TRHDE: variants seen among roughly 807,000 people sequenced by gnomAD.
TRHDE encodes thyrotropin-releasing hormone-degrading ectoenzyme.
A neutral mutation model predicts 125.7 loss-of-function variants in TRHDE; 72 were observed. The ratio of observed to expected loss-of-function variants is 0.57; its 90% CI spans 0.47 to 0.70. The LOEUF (loss-of-function observed/expected upper bound fraction) is 0.70. Ranked by LOEUF, TRHDE falls within the 30% of genes least tolerant of loss-of-function variation. TRHDE has a pLI of 0.00. For missense variants in TRHDE, 1,110 were observed against 1,327.1 expected, an observed-to-expected ratio of 0.84 and a Z score of 2.54; for synonymous variants, 509 against 509.1, an observed-to-expected ratio of 1.00 and a Z score of 0.00.
chr12:72,568,476 T>C, intron 9 of TRHDE, 92 bp from the exon 10 acceptor site: 1 of 865,116 alleles, frequency 1.2e-6, no homozygotes. Flanking sequence ...ATGAGAGTAA[T>C]AAAAATCACA....
chr12:72,495,492 A>G (rs1047598983), intron 5 of TRHDE, among the ~76,000 whole-genome samples: 1 of 151,998 alleles, frequency 6.6e-6, no homozygotes, highest in African/African-American at 2.4e-5. Context: ...TCATCCTTCA[A>G]CAACCCACTT....
Position 72,137,469 on chromosome 12 carries a change from G to A in TRHDE, n.279+31717G>A, listed in dbSNP as rs547944307. ...GTTTGTAAATAAGCCCTGTGGTTCT[G>A]GCCATTTTACTTGTCCTTTAGAGAG... is the stretch of plus-strand genomic sequence containing the variant. On this transcript the variant is annotated intron_variant and non_coding_transcript_variant, in intron 2 of 4. Transcript: ENST00000548156. The A allele has an allele frequency of 2.6e-5, 4 of 152,236 alleles. No individual in the cohort carries two copies. In the East Asian group the frequency reaches 5.8e-4, roughly 22 times the overall value. The allele number at this position is 152,236 out of a possible 1,614,324, so 9.4% of individuals were successfully genotyped here.
intron 3 of TRHDE, among the ~76,000 whole-genome samples, chr12:72,445,368 A>G (rs1161118476): frequency 1.3e-5 from 2 of 151,878 alleles, no homozygotes; most frequent in African/African-American, 2.4e-5. Context: ...TATTTATCCC[A>G]TACTCAAATG....
intron 2 of TRHDE, among the ~76,000 whole-genome samples, chr12:72,121,060 T>G (rs761063514): frequency 6.6e-6 from 1 of 152,184 alleles, no homozygotes; most frequent in Non-Finnish European, 1.5e-5. Flanking sequence ...TTTTGATCAA[T>G]TCATCTTTTA....
chr12:72,376,979 G>T (rs1387649124), intron 2 of TRHDE, among the ~76,000 whole-genome samples: 4 of 151,868 alleles, frequency 2.6e-5, no homozygotes, highest in African/African-American at 7.3e-5. Context: ...GCCAGCTGGT[G>T]GCCAACACCT....
chr12:72,636,613 C>G (rs1177221032), intron 15 of TRHDE, among the ~76,000 whole-genome samples: 1 of 151,970 alleles, frequency 6.6e-6, no homozygotes, highest in Admixed American at 6.6e-5. Flanking sequence ...CAGTTTTTGC[C>G]CATTCAGTAT....
chr12:72,534,657 AG>A (rs1868757200), intron 6 of TRHDE, among the ~76,000 whole-genome samples: 1 of 152,220 alleles, frequency 6.6e-6, no homozygotes, highest in East Asian at 1.9e-4. Context: ...CACTGTACCA[AG>A]TACTTTATAT....
intron 3 of TRHDE, among the ~76,000 whole-genome samples, chr12:72,394,735 G>T (rs1872727438): frequency 6.6e-6 from 1 of 152,132 alleles, no homozygotes; most frequent in Non-Finnish European, 1.5e-5. Context: ...GCCTACAAGT[G>T]GTATAGGTGT....
chr12:72,594,507 T>TTG (rs1871842843), intron 12 of TRHDE, among the ~76,000 whole-genome samples: 1 of 147,428 alleles, frequency 6.8e-6, no homozygotes. Context: ...TGTGAGTTTT[T>TTG]TTTTTTTTTT....
chr12:72,225,299 C>G (rs1057257292), intron 2 of TRHDE, among the ~76,000 whole-genome samples: 1 of 152,084 alleles, frequency 6.6e-6, no homozygotes, highest in African/African-American at 2.4e-5. Flanking sequence ...GCAACATTAG[C>G]CTCATAAGCA....
At chr12:72,600,258 A>G (rs1317128683) in intron 12 of TRHDE, among the ~76,000 whole-genome samples, 1 of 151,978 alleles carries the variant, frequency 6.6e-6, no homozygotes, top group Admixed American at 6.6e-5. Context: ...TTTTATATGA[A>G]TTTTAGAATA....
chr12:72,347,840 T>C (rs147586456), intron 2 of TRHDE, among the ~76,000 whole-genome samples: 172 of 152,168 alleles, frequency 1.1e-3, no homozygotes, highest in Non-Finnish European at 2.1e-3. Flanking sequence ...AATCTTAGAA[T>C]TGGCCTCCCG....
At chr12:72,315,375 C>A (rs971973804) in intron 2 of TRHDE, among the ~76,000 whole-genome samples, 5 of 150,822 alleles carry the variant, frequency 3.3e-5, no homozygotes, top group African/African-American at 1.2e-4. Flanking sequence ...TTTTATGGAA[C>A]AAGTAGTTTA....
chr12:72,670,229 T>C lies in TRHDE; in HGVS notation c.*7034T>C, dbSNP rs905372869. ...TGTTCTTTCAGTAAATAAGTGTTAA[T>C]AAAGCAGTGACCAAATAAATAACCT... is the stretch of plus-strand genomic sequence containing the variant. On this transcript the variant is annotated 3_prime_UTR_variant, in exon 19 of 19. Coordinates refer to ENST00000261180, the MANE Select transcript of TRHDE (RefSeq NM_013381.3). The C allele has an allele frequency of 6.6e-5, 10 of 151,804 alleles. No individual in the cohort carries two copies. Among genetic ancestry groups the C allele is most frequent in the Admixed American group, 5.3e-4 (8 of 15,186 alleles). 9.4% of individuals were successfully genotyped at this position (151,804 alleles called of 1,614,324 possible). A position where few individuals can be genotyped will look rare whatever the true frequency, so the allele number is the denominator to read the frequency against.
At chr12:72,357,539 T>C (rs1203771399) in intron 2 of TRHDE, among the ~76,000 whole-genome samples, 1 of 151,542 alleles carries the variant, frequency 6.6e-6, no homozygotes, top group East Asian at 1.9e-4. Flanking sequence ...AATGGCAGGA[T>C]CTCCTCCTTT....
chr12:72,505,688 A>G (rs1878328134), intron 6 of TRHDE, among the ~76,000 whole-genome samples: 1 of 152,214 alleles, frequency 6.6e-6, no homozygotes, highest in Non-Finnish European at 1.5e-5. Flanking sequence ...TCTTCAAGGG[A>G]TCATTGGGGA....
At chr12:72,429,320 G>A (rs1014278768) in intron 3 of TRHDE, among the ~76,000 whole-genome samples, 4 of 146,786 alleles carry the variant, frequency 2.7e-5, no homozygotes, top group Non-Finnish European at 4.5e-5. Context: ...TTCTGCACAC[G>A]TAACCCAGAA....
intron 2 of TRHDE, among the ~76,000 whole-genome samples, chr12:72,203,023 G>C (rs1281583855): frequency 6.6e-6 from 1 of 151,762 alleles, no homozygotes; most frequent in East Asian, 1.9e-4. Context: ...AGTTTTCATA[G>C]TTCCAATCCT....
At chr12:72,099,782 A>G (rs1393700824) in intron 1 of TRHDE, among the ~76,000 whole-genome samples, 2 of 152,210 alleles carry the variant, frequency 1.3e-5, no homozygotes, top group Non-Finnish European at 2.9e-5. Flanking sequence ...GGAAATCTAG[A>G]GTTCAGGCTC....
Sources: allele counts gnomAD v4.1 joint callset (sites outside exome capture counted in the v4.1 genomes callset), GRCh38; gene constraint gnomAD v4.1.1; transcripts MANE v1.5; gene names NCBI Gene and HGNC (gene_info 2026-07-23, HGNC 2026-07-21).